The following SLC44A5 variants were observed in gnomAD, a reference collection of about 807,000 sequenced individuals.
The protein encoded by SLC44A5 is solute carrier family 44 member 5.
SLC44A5 carries 57 observed loss-of-function variants against 101.8 expected under a neutral mutation model. The observed-to-expected ratio is 0.56, with a 90% CI of 0.45 to 0.70. The LOEUF is 0.70. SLC44A5 is among the 30% of genes least tolerant of loss of function. The probability of loss-of-function intolerance (pLI) is 0.00; values close to 1 mark genes in which losing one functional copy is unlikely to be tolerated. For missense variants in SLC44A5, 737 were observed against 853.1 expected (o/e 0.86, Z 1.70); for synonymous variants, 281 against 290.9 (o/e 0.97, Z 0.35).
At chr1:75,444,479 G>GA (rs1665415136) in intron 2 of SLC44A5, among the ~76,000 whole-genome samples, 9 of 123,436 alleles carry the variant, frequency 7.3e-5, no homozygotes, top group Non-Finnish European at 1.2e-4. Context: ...GAAAGAGAAA[G>GA]AAAGAAGAAA....
intron 3 of SLC44A5, among the ~76,000 whole-genome samples, chr1:75,395,681 G>A (rs949845800): frequency 6.6e-6 from 1 of 152,026 alleles, no homozygotes; most frequent in East Asian, 1.9e-4. Context: ...CAATAATTGT[G>A]TATATTTATG....
intron 6 of SLC44A5, among the ~76,000 whole-genome samples, 195 bp downstream of exon 6, chr1:75,274,763 C>G (rs1048605412): frequency 6.6e-6 from 1 of 152,160 alleles, no homozygotes; most frequent in Non-Finnish European, 1.5e-5. Flanking sequence ...TGCTGCATAA[C>G]ACTGACATCA....
At chr1:75,630,595 T>TATA in the SLC44A5 span, among the ~76,000 whole-genome samples, 8 of 83,068 alleles carry the variant, frequency 9.6e-5, no homozygotes, top group African/African-American at 2.4e-4. Context: ...CTTTTTTCAC[T>TATA]ATTATTATTA....
the SLC44A5 span, among the ~76,000 whole-genome samples, chr1:75,680,066 C>G: frequency 6.6e-6 from 1 of 152,140 alleles, no homozygotes; most frequent in Admixed American, 6.6e-5. Flanking sequence ...AGCTAACTAT[C>G]CTAAATATAC....
chr1:75,503,936 A>G (rs916007029), intron 2 of SLC44A5, among the ~76,000 whole-genome samples: 1 of 152,154 alleles, frequency 6.6e-6, no homozygotes, highest in African/African-American at 2.4e-5. Context: ...GGATATTTTT[A>G]AAGAGAGATT....
the SLC44A5 span, among the ~76,000 whole-genome samples, chr1:75,712,381 A>T: frequency 7.2e-5 from 11 of 152,238 alleles, no homozygotes; most frequent in Admixed American, 5.2e-4. Flanking sequence ...TAATCTTTCA[A>T]ATGTAAAAGA....
upstream of SLC44A5, among the ~76,000 whole-genome samples, chr1:75,614,442 T>C (rs1675780153): frequency 6.6e-6 from 1 of 152,212 alleles, no homozygotes; most frequent in African/African-American, 2.4e-5. Flanking sequence ...AATGTCTTCT[T>C]AAGAATTAAG....
Position 75,399,428 on chromosome 1 carries a change from A to G in SLC44A5, c.14-2807T>C, listed in dbSNP as rs772272715. 3.6e-4 allele frequency among the ~76,000 whole-genome samples: 55 copies of G among 152,214 alleles called. 1 individual carries two copies. Among genetic ancestry groups the G allele is most frequent in the Admixed American group, 4.6e-4 (7 of 15,264 alleles). On this transcript the variant is annotated intron_variant, in intron 2 of 23. Coordinates refer to ENST00000370859, the MANE Select transcript of SLC44A5 (RefSeq NM_001130058.2). ...AGGAACTAAACAAATCCAGAAAGTG[A>G]GATATTCTCGAGGGCAATAGGTCAG...
At chr1:75,394,967 C>T (rs1662033648) in intron 3 of SLC44A5, among the ~76,000 whole-genome samples, 1 of 151,996 alleles carries the variant, frequency 6.6e-6, no homozygotes, top group Admixed American at 6.6e-5. Flanking sequence ...GCAGAGTTAT[C>T]CCAGTAATAC....
chr1:75,209,074 G>A (rs1021027800), intron 23 of SLC44A5, among the ~76,000 whole-genome samples: 1 of 152,114 alleles, frequency 6.6e-6, no homozygotes, highest in Admixed American at 6.5e-5. Flanking sequence ...AAGTTTCCTT[G>A]TTCTTTGTTA....
chr1:75,420,938 T>C (rs1342423447), intron 2 of SLC44A5, among the ~76,000 whole-genome samples: 2 of 152,064 alleles, frequency 1.3e-5, no homozygotes, highest in African/African-American at 4.8e-5. Flanking sequence ...ATAATGGCTA[T>C]AGAATAAATA....
chr1:75,573,342 T>C (rs572291162), intron 1 of SLC44A5, among the ~76,000 whole-genome samples: 30 of 151,462 alleles, frequency 2.0e-4, no homozygotes, highest in Non-Finnish European at 3.7e-4. Context: ...AGACTCCATC[T>C]CAAAAAAAAA....
At chr1:75,224,266 G>T (rs1647150148) in intron 13 of SLC44A5, among the ~76,000 whole-genome samples, 1 of 152,158 alleles carries the variant, frequency 6.6e-6, no homozygotes, top group African/African-American at 2.4e-5. Flanking sequence ...ATACAAGTAG[G>T]TATAGCATAT....
chr1:75,298,882 A>G (rs993266305), intron 5 of SLC44A5, among the ~76,000 whole-genome samples: 29 of 152,206 alleles, frequency 1.9e-4, no homozygotes, highest in Non-Finnish European at 8.8e-5. Context: ...GTATTATTTC[A>G]TTTACTCCTC....
chr1:75,414,532 A>G (rs768375039), intron 2 of SLC44A5, among the ~76,000 whole-genome samples: 2 of 151,394 alleles, frequency 1.3e-5, no homozygotes, highest in African/African-American at 2.5e-5. Context: ...AGAGAAGGAC[A>G]TAACCAACTA....
At chr1:75,259,821 C>T (rs533898491) in intron 6 of SLC44A5, among the ~76,000 whole-genome samples, 1 of 152,294 alleles carries the variant, frequency 6.6e-6, no homozygotes, top group Non-Finnish European at 1.5e-5. Context: ...ATCAGACAAA[C>T]AGCAGATCTC....
intron 4 of SLC44A5, 40 bp downstream of exon 4, chr1:75,339,542 A>T (rs1184328203): frequency 6.4e-7 from 1 of 1,552,472 alleles, no homozygotes; most frequent in African/African-American, 1.4e-5. Context: ...CTTTCTGTGT[A>T]TGTTTAAAAA....
At chr1:75,439,912 A>G (rs1378714033) in intron 2 of SLC44A5, among the ~76,000 whole-genome samples, 3 of 152,190 alleles carry the variant, frequency 2.0e-5, no homozygotes, top group East Asian at 1.9e-4. Context: ...AGAAGTATAC[A>G]TAATGAGAAA....
At chr1:75,555,602 G>C (rs1002882568) in intron 1 of SLC44A5, among the ~76,000 whole-genome samples, 1 of 150,744 alleles carries the variant, frequency 6.6e-6, no homozygotes, top group Non-Finnish European at 1.5e-5. Context: ...CATTATGCTA[G>C]GGGCTGGAAG....
Sources: gnomAD v4.1 joint callset for allele counts (sites outside exome capture counted in the v4.1 genomes callset) on GRCh38, gnomAD v4.1.1 for gene constraint, MANE v1.5 for transcripts, NCBI Gene and HGNC (gene_info 2026-07-23, HGNC 2026-07-21) for gene names.